RAB11FIP5: variants seen among roughly 807,000 people sequenced by gnomAD.
RAB11FIP5 encodes the protein rab11 family-interacting protein 5.
In RAB11FIP5, 48 loss-of-function variants were observed where a neutral mutation model predicts 85.1. The observed-to-expected ratio is 0.56, with a 90% CI of 0.45 to 0.72. The LOEUF (loss-of-function observed/expected upper bound fraction) is 0.72. Ranked by LOEUF, RAB11FIP5 falls within the 30% of genes least tolerant of loss-of-function variation. RAB11FIP5 has a pLI of 0.00. For missense variants in RAB11FIP5, 1,491 were observed against 1,687.0 expected, an observed-to-expected ratio of 0.88 and a Z score of 2.04; for synonymous variants, 729 against 727.3, an observed-to-expected ratio of 1.00 and a Z score of -0.04.
intron 1 of RAB11FIP5, among the ~76,000 whole-genome samples, chr2:73,106,954 T>G (rs1684540105): frequency 6.6e-6 from 1 of 152,036 alleles, no homozygotes; most frequent in African/African-American, 2.4e-5. Context: ...GAGCCCCGTT[T>G]TGGGAGGCCC....
rs1684125002 is a variant in RAB11FIP5, at chr2:73,088,117, C to T, written c.1501G>A (p.Gly501Arg). Residue 501 changes from glycine to arginine, a missense_variant, in exon 3 of 6, where the codon GGG (glycine) becomes AGG (arginine). By Grantham distance (125) the Gly-to-Arg change is moderately radical. Coordinates refer to ENST00000486777, the MANE Select transcript of RAB11FIP5 (RefSeq NM_001371272.1). ...CAGCTACTCTTGGCCTTTTCCTCCCCACTGGATGAGTGATGTGGGGAGGCC... is the reference window on the plus strand; with the variant it reads ...CAGCTACTCTTGGCCTTTTCCTCCCTACTGGATGAGTGATGTGGGGAGGCC... ...LGASPHHSSS[G>R]EEKAKSSWFG... is the part of the protein sequence containing the mutation. The T allele has an allele frequency of 1.2e-6, 2 of 1,613,850 alleles. No homozygotes were observed. Among genetic ancestry groups the T allele is most frequent in the Non-Finnish European group, 1.7e-6 (2 of 1,179,950 alleles).
Position 73,112,765 on chromosome 2 carries a change from G to C in RAB11FIP5, c.13C>G (p.Arg5Gly), listed in dbSNP as rs1684695788. Residue 5 changes from arginine (R) to glycine (G), a missense_variant, in exon 1 of 6, where the codon CGG becomes GGG. Transcript: ENST00000486777. ...GGCCCCGCCGCCGGCTCCGCGCCCC[G>C]CACCAGGGCCATGGCGGAGAAGCGG... MALV[R>G]GAEPAAGPSR... The C allele has an allele frequency of 6.9e-7, 1 of 1,451,368 alleles. No homozygotes were observed. Among genetic ancestry groups the C allele is most frequent in the Admixed American group, 2.7e-5 (1 of 36,972 alleles). The allele number at this position is 1,451,368 out of a possible 1,614,324, so 89.9% of individuals were successfully genotyped here.
chr2:73,103,717 T>G (rs1225582664), intron 1 of RAB11FIP5, among the ~76,000 whole-genome samples: 6 of 152,176 alleles, frequency 3.9e-5, no homozygotes, highest in Non-Finnish European at 8.8e-5. Context: ...CAGAAAGATG[T>G]GGGTTTATTG....
intron 1 of RAB11FIP5, among the ~76,000 whole-genome samples, chr2:73,098,912 C>T (rs926248484): frequency 1.3e-5 from 2 of 152,046 alleles, no homozygotes; most frequent in Middle Eastern, 3.2e-3. Flanking sequence ...TTAGCTGTTA[C>T]GGATGTCACA....
intron 1 of RAB11FIP5, among the ~76,000 whole-genome samples, chr2:73,096,054 G>T (rs1251160933): frequency 3.3e-5 from 5 of 152,210 alleles, no homozygotes; most frequent in Non-Finnish European, 7.3e-5. Flanking sequence ...TGCTAAGCTA[G>T]AACACCTCTC....
Position 73,074,101 on chromosome 2 carries a change from C to G in RAB11FIP5, c.*1420G>C, listed in dbSNP as rs960186293. 6.6e-6 allele frequency: 1 copy of G among 152,264 alleles called. No homozygotes were observed. Among genetic ancestry groups the G allele is most frequent in the African/African-American group, 2.4e-5 (1 of 41,466 alleles). 9.4% of individuals were successfully genotyped at this position (152,264 alleles called of 1,614,324 possible). Reference sequence around the variant, plus strand: ...ATGTTTTCTACAAGCAAACCAGGGGCTGGGCCAAAGGACAGATACTTCATT... The same window carrying G: ...ATGTTTTCTACAAGCAAACCAGGGGGTGGGCCAAAGGACAGATACTTCATT... On this transcript the variant is annotated 3_prime_UTR_variant, in exon 6 of 6. Coordinates refer to ENST00000486777, the MANE Select transcript of RAB11FIP5 (RefSeq NM_001371272.1).
At chr2:73,098,459 A>G (rs763217174) in intron 1 of RAB11FIP5, among the ~76,000 whole-genome samples, 16 of 152,250 alleles carry the variant, frequency 1.1e-4, no homozygotes, top group Non-Finnish European at 1.8e-4. Flanking sequence ...CGCTCAGAAC[A>G]GGGCCCGGCA....
chr2:73,084,684 G>A lies in RAB11FIP5; in HGVS notation c.1569-3021C>T, dbSNP rs113021207. ...ACTACACCACAGGGCTACCTCTGTAGCTGAAGGCCAGGTGTCACTAGCAGA... is the reference window on the plus strand; with the variant it reads ...ACTACACCACAGGGCTACCTCTGTAACTGAAGGCCAGGTGTCACTAGCAGA... On this transcript the variant is annotated intron_variant, in intron 3 of 5. Coordinates refer to ENST00000486777, the MANE Select transcript of RAB11FIP5 (RefSeq NM_001371272.1). Among the ~76,000 whole-genome samples, 285 of 152,332 alleles carry A rather than the reference G, an allele frequency of 1.9e-3. 2 individuals are homozygous for A. Among genetic ancestry groups the A allele is most frequent in the African/African-American group, 5.3e-3 (221 of 41,580 alleles).
At chr2:73,087,053 A>G (rs1684103338) in intron 3 of RAB11FIP5, among the ~76,000 whole-genome samples, 1 of 152,170 alleles carries the variant, frequency 6.6e-6, no homozygotes, top group Non-Finnish European at 1.5e-5. Flanking sequence ...CCTCTGCCCT[A>G]TCTTTTGCCC....
At chr2:73,100,586 C>A (rs143025598) in intron 1 of RAB11FIP5, among the ~76,000 whole-genome samples, 496 of 152,022 alleles carry the variant, frequency 3.3e-3, no homozygotes, top group Non-Finnish European at 5.1e-3. Flanking sequence ...CTACCACACC[C>A]AGCTAATTTT....
chr2:73,112,382 G>T lies in RAB11FIP5; in HGVS notation c.396C>A (p.Asp132Glu), dbSNP rs774822720. 6.7e-5 allele frequency: 108 copies of T among 1,600,634 alleles called. 4 individuals carry two copies. The Middle Eastern group carries it at 0.014, about 203-fold the overall frequency. The change falls in exon 1 of 6, where the codon GAC becomes GAA. Residue 132 changes from aspartate (D) to glutamate (E), a missense_variant. Physicochemically the swap from Asp to Glu is conservative, Grantham distance 45 (BLOSUM62 2). Coordinates refer to ENST00000486777, the MANE Select transcript of RAB11FIP5 (RefSeq NM_001371272.1). ...GGGCGCGGCCTGCGCCGAAGACCTCGTCCAGCGCCACCGTGGCCTGGCCCA... is the reference window on the plus strand; with the variant it reads ...GGGCGCGGCCTGCGCCGAAGACCTCTTCCAGCGCCACCGTGGCCTGGCCCA... Reference protein sequence around the residue: ...KFLGQATVALDEVFGAGRAQH... With the variant: ...KFLGQATVALEEVFGAGRAQH...
At chr2:73,083,286 G>A (rs1684029627) in intron 3 of RAB11FIP5, among the ~76,000 whole-genome samples, 1 of 152,172 alleles carries the variant, frequency 6.6e-6, no homozygotes, top group African/African-American at 2.4e-5. Context: ...ACTGAGGCAG[G>A]TCAGCTCGGC....
chr2:73,089,504 C>T lies in RAB11FIP5; in HGVS notation c.432-189G>A. Reference sequence around the variant, plus strand: ...GATGCAGCTGAGAAACTATCCAAAACATTTCCATGATGGAGAAAACCACAT... The same window carrying T: ...GATGCAGCTGAGAAACTATCCAAAATATTTCCATGATGGAGAAAACCACAT... On this transcript the variant is annotated intron_variant, in intron 1 of 5. Coordinates refer to ENST00000486777, the MANE Select transcript of RAB11FIP5 (RefSeq NM_001371272.1). This position sits in a 1 kb window ranked among gnomAD's most constrained non-coding sequence, Gnocchi z 4.6. 1 of 699,618 alleles carries T rather than the reference C, an allele frequency of 1.4e-6. No homozygotes were observed. The highest frequency in any genetic ancestry group is 2.6e-6 in the Non-Finnish European group (1 of 391,348). 43.3% of individuals were successfully genotyped at this position (699,618 alleles called of 1,614,324 possible).
At chr2:73,103,627 G>A (rs928561451) in intron 1 of RAB11FIP5, among the ~76,000 whole-genome samples, 1 of 152,134 alleles carries the variant, frequency 6.6e-6, no homozygotes, top group Non-Finnish European at 1.5e-5. Flanking sequence ...CGCAAAAATG[G>A]TGATCCCCCT....
At position 73,076,044 on chromosome 2, in the gene RAB11FIP5, A is replaced by G. The variant is rs962419454; in HGVS notation, c.3720T>C (p.Pro1240=). The G allele has an allele frequency of 8.7e-6, 14 of 1,613,974 alleles. No homozygotes were observed. The Admixed American group carries it at 2.0e-4, about 23-fold the overall frequency. The change falls in exon 5 of 6, where the codon CCT becomes CCC. Residue 1240 remains proline (P), a synonymous_variant. Coordinates refer to ENST00000486777, the MANE Select transcript of RAB11FIP5 (RefSeq NM_001371272.1). The part of the protein sequence containing the change: ...LKTVTSGSIQ[P]VTQAPQAGQM... ...GGCCAGCCTGGGGGGCCTGGGTCAC[A>G]GGCTGAATGCTCCCAGATGTGACTG...
chr2:73,077,382 C>G (rs1683883579), intron 4 of RAB11FIP5, among the ~76,000 whole-genome samples: 1 of 152,200 alleles, frequency 6.6e-6, no homozygotes, highest in South Asian at 2.1e-4. Flanking sequence ...CACCCCACTC[C>G]TCTCCAGGCC....
At position 73,088,468 on chromosome 2, in the gene RAB11FIP5, C is replaced by T; in HGVS notation, c.1150G>A (p.Asp384Asn). 1 of 1,614,032 alleles carries T rather than the reference C, an allele frequency of 6.2e-7. No homozygotes were observed. The highest frequency in any genetic ancestry group is 8.5e-7 in the Non-Finnish European group (1 of 1,180,048). The stretch of plus-strand genomic sequence containing the variant: ...CGACTGCCTCTGGGCCAGGTGTCAT[C>T]TGTGGAACGAGGCCCCTCCTCGGAG... Reference protein sequence around the residue: ...RFSEEGPRSTDDTWPRGSRSN... With the variant: ...RFSEEGPRSTNDTWPRGSRSN... Residue 384 changes from aspartate to asparagine, a missense_variant, in exon 3 of 6, where the codon GAT becomes AAT. Transcript: ENST00000486777.
Position 73,088,861 on chromosome 2 carries a change from G to A in RAB11FIP5, c.868+18C>T, listed in dbSNP as rs201311703. The A allele has an allele frequency of 5.0e-5, 77 of 1,549,230 alleles. No homozygotes were observed. Among genetic ancestry groups the A allele is most frequent in the African/African-American group, 8.2e-5 (6 of 73,116 alleles). On this transcript the variant is annotated intron_variant, in intron 2 of 5. Coordinates refer to ENST00000486777, the MANE Select transcript of RAB11FIP5 (RefSeq NM_001371272.1). The stretch of plus-strand genomic sequence containing the variant: ...CCAGTGCCCCCCTCCCCAGGGCGGC[G>A]GCCCTGTGCTTGCTCACCCCCTTCA...
rs966506179 is a variant in RAB11FIP5, at chr2:73,078,782, A to G, written c.3581+869T>C. 6.6e-6 allele frequency among the ~76,000 whole-genome samples: 1 copy of G among 152,168 alleles called. No individual in the cohort carries two copies. The highest frequency in any genetic ancestry group is 1.5e-5 in the Non-Finnish European group (1 of 68,010). On this transcript the variant is annotated intron_variant, in intron 4 of 5. Coordinates refer to ENST00000486777, the MANE Select transcript of RAB11FIP5 (RefSeq NM_001371272.1). This position sits in a 1 kb window ranked among gnomAD's most constrained non-coding sequence, Gnocchi z 4.4. ...CTTCACTCGGTCCTCCTAGAGCGCT[A>G]TCGTCCCAGAGGGACTTGCTGCCTT...
Sources: allele counts gnomAD v4.1 joint callset (sites outside exome capture counted in the v4.1 genomes callset), GRCh38; gene constraint gnomAD v4.1.1; non-coding constraint Gnocchi (gnomAD v3.1); transcripts MANE v1.5; gene names NCBI Gene and HGNC (gene_info 2026-07-23, HGNC 2026-07-21).